ZNRF3: variants seen among roughly 807,000 people sequenced by gnomAD.
The protein encoded by ZNRF3 is E3 ubiquitin-protein ligase ZNRF3.
In ZNRF3, 23 loss-of-function variants were observed where a neutral mutation model predicts 72.5. That is an observed-to-expected ratio of 0.32 (90% CI 0.23 to 0.45). ZNRF3 has a LOEUF of 0.45. Among genes scored for constraint, ZNRF3 ranks in the 20% least tolerant of loss-of-function variants. ZNRF3 has a pLI of 1.00. For missense variants in ZNRF3, 1,169 were observed against 1,272.1 expected, an observed-to-expected ratio of 0.92 and a Z score of 1.23; for synonymous variants, 610 against 545.3, an observed-to-expected ratio of 1.12 and a Z score of -1.65.
chr22:28,934,888 T>C (rs1248794122), intron 1 of ZNRF3, among the ~76,000 whole-genome samples: 1 of 151,846 alleles, frequency 6.6e-6, no homozygotes, highest in Admixed American at 6.6e-5. Context: ...TTCCTGTAGA[T>C]ATCACTGGGA....
intron 2 of ZNRF3, among the ~76,000 whole-genome samples, chr22:29,042,246 C>G (rs1304482854): frequency 6.6e-6 from 1 of 152,228 alleles, no homozygotes; most frequent in East Asian, 1.9e-4. Flanking sequence ...AAACATTTAT[C>G]ACTTCTTTGT....
At chr22:29,016,030 C>CA (rs968548306) in intron 2 of ZNRF3, among the ~76,000 whole-genome samples, 1 of 137,912 alleles carries the variant, frequency 7.3e-6, no homozygotes, top group Non-Finnish European at 1.5e-5. Context: ...AAAAAAAAAA[C>CA]AAAAAAACTG....
At chr22:28,935,215 A>C (rs1334040563) in intron 1 of ZNRF3, among the ~76,000 whole-genome samples, 4 of 152,150 alleles carry the variant, frequency 2.6e-5, no homozygotes, top group Admixed American at 2.0e-4. Context: ...AAATAACTTG[A>C]TTCTTTCCAT....
chr22:28,962,185 A>T lies in ZNRF3; in HGVS notation c.301-24891A>T, dbSNP rs1275266922. Among the ~76,000 whole-genome samples, 4 of 152,350 alleles carry T rather than the reference A, an allele frequency of 2.6e-5. No individual in the cohort carries two copies. In the East Asian group the frequency reaches 7.7e-4, roughly 29 times the overall value. ...ACCGCATCCCAACTGCTCAATAGCA[A>T]CATGTGGCTTGTAGCTCCTACATTG... On this transcript the variant is annotated intron_variant, in intron 1 of 8. Transcript: ENST00000544604.
At chr22:28,981,111 C>A (rs548579464) in intron 1 of ZNRF3, among the ~76,000 whole-genome samples, 4 of 152,306 alleles carry the variant, frequency 2.6e-5, no homozygotes, top group African/African-American at 9.6e-5. Context: ...AATGATTAGG[C>A]GTTCAGAACC....
intron 1 of ZNRF3, among the ~76,000 whole-genome samples, chr22:28,898,235 A>C (rs922033279): frequency 6.6e-6 from 1 of 152,240 alleles, no homozygotes; most frequent in African/African-American, 2.4e-5. Context: ...GGCGTGAGCC[A>C]CTGTGCCCAG....
chr22:29,050,859 CT>C lies in ZNRF3; in HGVS notation c.2679del (p.Pro894ArgfsTer62). On this transcript the variant is annotated frameshift_variant, in exon 8 of 9. Coordinates refer to ENST00000544604, the MANE Select transcript of ZNRF3 (RefSeq NM_001206998.2). LOFTEE classifies it high-confidence loss of function. ...QARALLRPGC[P>X]PEEAGAVRAN... is the part of the protein sequence containing the mutation. Reference sequence around the variant, plus strand: ...AGGGCCCTACTGCGGCCTGGCTGCCCTCCGGAGGAGGCGGGTGCTGTCAGGG... The same window carrying C: ...AGGGCCCTACTGCGGCCTGGCTGCCCCCGGAGGAGGCGGGTGCTGTCAGGG... 2 of 1,601,814 alleles carry C rather than the reference CT, an allele frequency of 1.2e-6. No homozygotes were observed. Among genetic ancestry groups the C allele is most frequent in the Non-Finnish European group, 1.7e-6 (2 of 1,177,894 alleles).
chr22:28,945,420 G>A (rs1433209093), intron 1 of ZNRF3, among the ~76,000 whole-genome samples: 5 of 151,654 alleles, frequency 3.3e-5, no homozygotes, highest in East Asian at 2.0e-4. Context: ...GACCGGGCAC[G>A]GTGGCTCACA....
chr22:28,897,759 C>G (rs924819182), intron 1 of ZNRF3, among the ~76,000 whole-genome samples: 35 of 152,202 alleles, frequency 2.3e-4, no homozygotes, highest in African/African-American at 8.4e-4. Flanking sequence ...TCCCATGAAG[C>G]TTTTTCCTGG....
intron 8 of ZNRF3, among the ~76,000 whole-genome samples, chr22:29,051,202 T>C (rs77753240): frequency 0.011 from 1,700 of 152,192 alleles, 41 homozygotes; most frequent in African/African-American, 0.039. Context: ...GCAGTACTCA[T>C]TTCCCCCTCT....
In ZNRF3 at chr22:28,936,150, C is replaced by T. The variant is rs138704261; in HGVS notation, c.301-50926C>T. Among the ~76,000 whole-genome samples the T allele has an allele frequency of 6.2e-3, 938 of 152,284 alleles. 11 individuals are homozygous for T. The highest frequency in any genetic ancestry group is 0.031 in the South Asian group (151 of 4,818). The stretch of plus-strand genomic sequence containing the variant: ...GGCTTTTATTGTGAATCTCCACTTA[C>T]GGTGCTCCTAACATCTTGCAAAGGT... On this transcript the variant is annotated intron_variant, in intron 1 of 8. Transcript: ENST00000544604.
chr22:28,999,163 CAAAAAAA>C (rs10601140), intron 2 of ZNRF3, among the ~76,000 whole-genome samples: 40 of 63,422 alleles, frequency 6.3e-4, no homozygotes, highest in Non-Finnish European at 1.2e-3. Context: ...AATAAAAATA[CAAAAAAA>C]AAAAAAAAAA....
At chr22:28,945,535 T>C (rs922422201) in intron 1 of ZNRF3, among the ~76,000 whole-genome samples, 1 of 151,754 alleles carries the variant, frequency 6.6e-6, no homozygotes, top group African/African-American at 2.4e-5. Flanking sequence ...TATTTTTTTT[T>C]TTTTTTCTTT....
At position 29,007,885 on chromosome 22, in the gene ZNRF3, TA is replaced by T. The variant is rs1426950347; in HGVS notation, c.426+20685del. Among the ~76,000 whole-genome samples the T allele has an allele frequency of 6.6e-5, 10 of 151,014 alleles. No homozygotes were observed. The South Asian group carries it at 8.4e-4, about 13-fold the overall frequency. ...AATTCTCCTGCCTCAGCCTCCCAAG[TA>T]GCTAGGATTACAGGCGTGCACAACC... On this transcript the variant is annotated intron_variant, in intron 2 of 8. Transcript: ENST00000544604.
In ZNRF3 at chr22:29,046,806, T is replaced by C; in HGVS notation, c.835T>C (p.Cys279Arg). 6.2e-7 allele frequency: 1 copy of C among 1,611,782 alleles called. No homozygotes were observed. Among genetic ancestry groups the C allele is most frequent in the South Asian group, 1.1e-5 (1 of 90,304 alleles). The change falls in exon 6 of 9, where the codon TGT becomes CGT. Residue 279 changes from cysteine to arginine, a missense_variant. Cys to Arg is a radical substitution (Grantham distance 180). Coordinates refer to ENST00000544604, the MANE Select transcript of ZNRF3 (RefSeq NM_001206998.2). ...SKSKGRREGS[C>R]GALDTLSSSS... The stretch of plus-strand genomic sequence containing the variant: ...GAGCAAGGGGCGCCGGGAGGGGAGC[T>C]GTGGGGCCCTGGACACACTCAGCAG...
chr22:28,911,249 A>C (rs559146708), intron 1 of ZNRF3, among the ~76,000 whole-genome samples: 7 of 152,194 alleles, frequency 4.6e-5, no homozygotes, highest in African/African-American at 1.4e-4. Flanking sequence ...TAGGGGAGGG[A>C]TAAGAGGGGC....
intron 1 of ZNRF3, among the ~76,000 whole-genome samples, chr22:28,932,985 A>G (rs2034736745): frequency 6.6e-6 from 1 of 152,194 alleles, no homozygotes; most frequent in Admixed American, 6.5e-5. Context: ...GGCTAATTAT[A>G]TGGAAACAAA....
intron 2 of ZNRF3, among the ~76,000 whole-genome samples, chr22:28,997,457 C>A (rs973755941): frequency 2.6e-5 from 4 of 152,048 alleles, no homozygotes; most frequent in African/African-American, 9.7e-5. Flanking sequence ...CCCCTTCCTC[C>A]TTCATTCCTT....
At position 29,048,275 on chromosome 22, in the gene ZNRF3, A is replaced by G. The variant is rs1475988323; in HGVS notation, c.913-114A>G. On this transcript the variant is annotated intron_variant, in intron 6 of 8. Coordinates refer to ENST00000544604, the MANE Select transcript of ZNRF3 (RefSeq NM_001206998.2). This position sits in a 1 kb window ranked among gnomAD's most constrained non-coding sequence, Gnocchi z 4.9. ...AGCCCTAATTGGAGGTGGGGAGGAG[A>G]GTAGGGAAGGGCACGGGCATGCTGT... 42 of 731,458 alleles carry G rather than the reference A, an allele frequency of 5.7e-5. 1 individual carries two copies. The South Asian group carries it at 7.4e-4, about 13-fold the overall frequency. The allele number at this position is 731,458 out of a possible 1,614,324, so 45.3% of individuals were successfully genotyped here. A position where few individuals can be genotyped will look rare whatever the true frequency, so the allele number is the denominator to read the frequency against.
Sources: gnomAD v4.1 joint callset for allele counts (sites outside exome capture counted in the v4.1 genomes callset) on GRCh38, gnomAD v4.1.1 for gene constraint, Gnocchi (gnomAD v3.1) non-coding constraint, MANE v1.5 for transcripts, NCBI Gene and HGNC (gene_info 2026-07-23, HGNC 2026-07-21) for gene names.